The following ETV6 variants were observed in gnomAD, a reference collection of about 807,000 sequenced individuals.
The protein encoded by ETV6 is ETS variant transcription factor 6.
Under a neutral mutation model 51.1 loss-of-function variants are expected in ETV6, and 16 were observed. The observed-to-expected ratio is 0.31, with a 90% CI of 0.21 to 0.48. The LOEUF (loss-of-function observed/expected upper bound fraction) is 0.48. Ranked by LOEUF, ETV6 falls within the 20% of genes least tolerant of loss-of-function variation. ETV6 has a pLI of 0.99. For missense variants in ETV6, 458 were observed against 594.8 expected, an observed-to-expected ratio of 0.77 and a Z score of 2.39; for synonymous variants, 240 against 224.1, an observed-to-expected ratio of 1.07 and a Z score of -0.64.
chr12:11,838,426 C>T (rs191103033), intron 2 of ETV6, among the ~76,000 whole-genome samples: 6 of 152,210 alleles, frequency 3.9e-5, no homozygotes, highest in Non-Finnish European at 7.3e-5. Context: ...CTGTACCCCC[C>T]TCCTGCCCAC....
At chr12:11,799,765 GTTTTATT>G (rs758834015) in intron 2 of ETV6, among the ~76,000 whole-genome samples, 6 of 152,056 alleles carry the variant, frequency 3.9e-5, no homozygotes, top group Non-Finnish European at 8.8e-5. Flanking sequence ...GCGTGTGTGT[GTTTTATT>G]TTTTATTTTT....
intron 2 of ETV6, among the ~76,000 whole-genome samples, chr12:11,828,317 A>G (rs1202394306): frequency 1.3e-5 from 2 of 152,208 alleles, no homozygotes; most frequent in Non-Finnish European, 1.5e-5. Context: ...AATGATGTCT[A>G]TAATAACTGA....
chr12:11,721,594 G>A (rs918913298), intron 1 of ETV6, among the ~76,000 whole-genome samples: 1 of 152,126 alleles, frequency 6.6e-6, no homozygotes, highest in African/African-American at 2.4e-5. Flanking sequence ...AGCGGGAGGG[G>A]GTTAATGAGT....
chr12:11,822,056 C>T (rs1048866904), intron 2 of ETV6, among the ~76,000 whole-genome samples: 1 of 152,238 alleles, frequency 6.6e-6, no homozygotes, highest in Non-Finnish European at 1.5e-5. Context: ...CTTCCCTGGC[C>T]GTGCACGAAT....
chr12:11,674,809 C>G (rs1368673907), intron 1 of ETV6, among the ~76,000 whole-genome samples: 1 of 152,094 alleles, frequency 6.6e-6, no homozygotes, highest in African/African-American at 2.4e-5. Context: ...CTGCCACTCT[C>G]TCACTGCCCC....
At chr12:11,872,605 T>A (rs944804463) in intron 5 of ETV6, among the ~76,000 whole-genome samples, 3 of 151,880 alleles carry the variant, frequency 2.0e-5, no homozygotes, top group Non-Finnish European at 4.4e-5. Context: ...GTGATTCTCG[T>A]GCCTCAGCCT....
At position 11,667,696 on chromosome 12, in the gene ETV6, A is replaced by ATTTTT. The variant is rs34458275; in HGVS notation, c.33+17556_33+17560dup. On this transcript the variant is annotated intron_variant, in intron 1 of 7. Coordinates refer to ENST00000396373, the MANE Select transcript of ETV6 (RefSeq NM_001987.5). ...AGGTGTGTGCCACGATACCTGGCTAATTTTTTTTTTTTTTTTTTTTTTTTG... is the reference window on the plus strand; with the variant it reads ...AGGTGTGTGCCACGATACCTGGCTAATTTTTTTTTTTTTTTTTTTTTTTTTTTTTG... 4.0e-4 allele frequency among the ~76,000 whole-genome samples: 29 copies of ATTTTT among 72,988 alleles called. 2 individuals carry two copies. The highest frequency in any genetic ancestry group is 6.3e-4 in the South Asian group (1 of 1,594). 47.9% of individuals were successfully genotyped at this position (72,988 alleles called of 152,430 possible).
intron 1 of ETV6, among the ~76,000 whole-genome samples, chr12:11,710,647 T>C (rs572766442): frequency 7.1e-6 from 1 of 140,804 alleles, no homozygotes; most frequent in East Asian, 2.1e-4. Flanking sequence ...GCTAGTATTA[T>C]AGTGCGCCTA....
chr12:11,888,520 G>T (rs10772512), intron 7 of ETV6, among the ~76,000 whole-genome samples: 63,831 of 150,612 alleles, frequency 0.42, 14,039 homozygotes, highest in South Asian at 0.58. Flanking sequence ...TTATCATGCC[G>T]TAGCTAATAG....
At chr12:11,682,352 G>A (rs546913653) in intron 1 of ETV6, among the ~76,000 whole-genome samples, 97 of 152,210 alleles carry the variant, frequency 6.4e-4, no homozygotes, top group African/African-American at 2.1e-3. Context: ...TTTGTTGACC[G>A]CATAAATGTC....
At chr12:11,679,103 A>G (rs747546646) in intron 1 of ETV6, among the ~76,000 whole-genome samples, 12 of 152,240 alleles carry the variant, frequency 7.9e-5, no homozygotes, top group Non-Finnish European at 1.8e-4. Context: ...AATGTCATTG[A>G]GGTTGAAAGG....
intron 2 of ETV6, among the ~76,000 whole-genome samples, chr12:11,797,914 G>A (rs1418632465): frequency 6.6e-6 from 1 of 152,188 alleles, no homozygotes; most frequent in Non-Finnish European, 1.5e-5. Context: ...TTACTAGATT[G>A]CTAGAATGCT....
chr12:11,731,265 G>A lies in ETV6; in HGVS notation c.34-21185G>A, dbSNP rs187038021. On this transcript the variant is annotated intron_variant, in intron 1 of 7. Transcript: ENST00000396373. ...TGTTGCATTGTCAGCACCTAACACA[G>A]TGTTTAATTAAAGCAAAAATTTTTG... 1.4e-4 allele frequency among the ~76,000 whole-genome samples: 22 copies of A among 152,312 alleles called. No individual in the cohort carries two copies. In the East Asian group the frequency reaches 4.2e-3, roughly 29 times the overall value.
chr12:11,700,346 C>T (rs2120833780), intron 1 of ETV6, among the ~76,000 whole-genome samples: 1 of 152,222 alleles, frequency 6.6e-6, no homozygotes, highest in African/African-American at 2.4e-5. Context: ...GAACATTGTA[C>T]CCAATAGGTA....
intron 3 of ETV6, among the ~76,000 whole-genome samples, chr12:11,848,521 A>T (rs1174537851): frequency 6.6e-6 from 1 of 152,258 alleles, no homozygotes; most frequent in Non-Finnish European, 1.5e-5. Flanking sequence ...ACATTACAAT[A>T]CAATAATGGA....
intron 2 of ETV6, among the ~76,000 whole-genome samples, chr12:11,811,509 C>T (rs887471738): frequency 1.3e-5 from 2 of 152,030 alleles, no homozygotes; most frequent in African/African-American, 4.8e-5. Context: ...TGCAGAAAGA[C>T]ATGTAGACCA....
chr12:11,753,331 T>G (rs1866076082), intron 2 of ETV6, among the ~76,000 whole-genome samples: 1 of 152,156 alleles, frequency 6.6e-6, no homozygotes, highest in Non-Finnish European at 1.5e-5. Flanking sequence ...CTGTGTCCTT[T>G]TTGTCTGCCT....
intron 1 of ETV6, among the ~76,000 whole-genome samples, chr12:11,732,486 A>G (rs1475483955): frequency 6.6e-6 from 1 of 152,230 alleles, no homozygotes; most frequent in African/African-American, 2.4e-5. Context: ...AATGGGATGC[A>G]TCTCCTTTAG....
chr12:11,873,756 G>T (rs1329565525), intron 5 of ETV6, among the ~76,000 whole-genome samples: 1 of 112,758 alleles, frequency 8.9e-6, no homozygotes, highest in African/African-American at 3.4e-5. Flanking sequence ...CCTCAGAGAG[G>T]TATAAGACAC....
Sources: allele counts gnomAD v4.1 joint callset (sites outside exome capture counted in the v4.1 genomes callset), GRCh38; gene constraint gnomAD v4.1.1; transcripts MANE v1.5; gene names NCBI Gene and HGNC (gene_info 2026-07-23, HGNC 2026-07-21).